The following PIGU variants were observed in gnomAD, a reference collection of about 807,000 sequenced individuals.
PIGU encodes phosphatidylinositol glycan anchor biosynthesis class U.
A neutral mutation model predicts 49.9 loss-of-function variants in PIGU; 24 were observed. The ratio of observed to expected loss-of-function variants is 0.48; its 90% CI spans 0.35 to 0.68. The LOEUF is 0.68. Among genes scored for constraint, PIGU ranks in the 30% least tolerant of loss-of-function variants. PIGU has a pLI of 0.01. For missense variants in PIGU, 490 were observed against 532.6 expected (o/e 0.92, Z 0.79); for synonymous variants, 220 against 205.7 (o/e 1.07, Z -0.59).
chr20:34,614,746 T>G (rs890539280), intron 7 of PIGU, among the ~76,000 whole-genome samples: 4 of 152,052 alleles, frequency 2.6e-5, no homozygotes, highest in Admixed American at 2.6e-4. Context: ...AAGCAAACCA[T>G]GAATCATTGT....
chr20:34,619,364 GGA>G (rs1251328819), intron 6 of PIGU, among the ~76,000 whole-genome samples: 5 of 152,202 alleles, frequency 3.3e-5, no homozygotes, highest in African/African-American at 1.2e-4. Context: ...GTGCTGTTCT[GGA>G]GCCCAACAGC....
intron 7 of PIGU, among the ~76,000 whole-genome samples, chr20:34,604,916 C>T (rs1984558469): frequency 1.3e-5 from 2 of 152,082 alleles, no homozygotes; most frequent in African/African-American, 2.4e-5. Context: ...AAATAAAGGC[C>T]TCAAACCATC....
chr20:34,613,427 A>G (rs1207192237), intron 7 of PIGU, among the ~76,000 whole-genome samples: 1 of 152,214 alleles, frequency 6.6e-6, no homozygotes, highest in Non-Finnish European at 1.5e-5. Flanking sequence ...TGTCAGGAGG[A>G]AATTTCCTTT....
intron 7 of PIGU, among the ~76,000 whole-genome samples, chr20:34,598,927 C>T (rs1022600154): frequency 1.3e-5 from 2 of 152,008 alleles, no homozygotes; most frequent in African/African-American, 4.8e-5. Context: ...ATTATTTGGG[C>T]CCTAACTCCT....
At chr20:34,561,210 C>T (rs1982491378) in intron 11 of PIGU, among the ~76,000 whole-genome samples, 1 of 152,164 alleles carries the variant, frequency 6.6e-6, no homozygotes, top group South Asian at 2.1e-4. Context: ...CCATGGTCTA[C>T]ACCTCCATCC....
At chr20:34,568,528 T>C (rs1249405055) in intron 11 of PIGU, among the ~76,000 whole-genome samples, 2 of 152,036 alleles carry the variant, frequency 1.3e-5, no homozygotes, top group Admixed American at 1.3e-4. Context: ...AAACCTGAAA[T>C]GGGTCTCGAG....
chr20:34,665,344 C>T (rs1386878617), intron 1 of PIGU, among the ~76,000 whole-genome samples: 1 of 150,908 alleles, frequency 6.6e-6, no homozygotes, highest in East Asian at 1.9e-4. Context: ...GCTGGGACTA[C>T]AGGCGCCCGC....
chr20:34,562,938 C>G (rs1440128751), intron 11 of PIGU, among the ~76,000 whole-genome samples: 2 of 152,334 alleles, frequency 1.3e-5, no homozygotes, highest in Non-Finnish European at 2.9e-5. Context: ...GATCCCTGAA[C>G]CAGGTCAGCT....
At chr20:34,662,175 C>T (rs1009578231) in intron 1 of PIGU, among the ~76,000 whole-genome samples, 6 of 152,060 alleles carry the variant, frequency 3.9e-5, no homozygotes, top group Admixed American at 1.3e-4. Context: ...CAGGCTCAAT[C>T]GATCCTCCCA....
intron 11 of PIGU, among the ~76,000 whole-genome samples, chr20:34,564,622 A>C (rs780081901): frequency 6.6e-6 from 1 of 152,256 alleles, no homozygotes; most frequent in Non-Finnish European, 1.5e-5. Context: ...CTGTATAATA[A>C]ATTTTACATA....
chr20:34,652,940 G>C (rs1033172734), intron 2 of PIGU, among the ~76,000 whole-genome samples: 2 of 151,154 alleles, frequency 1.3e-5, no homozygotes, highest in Non-Finnish European at 2.9e-5. Flanking sequence ...TTGTTGGATG[G>C]AGTGTTCTAT....
At chr20:34,596,706 A>G (rs1161830116) in intron 7 of PIGU, among the ~76,000 whole-genome samples, 2 of 152,166 alleles carry the variant, frequency 1.3e-5, no homozygotes, top group Admixed American at 1.3e-4. Context: ...CTTGCCTCTA[A>G]TCTTCATTAA....
intron 4 of PIGU, among the ~76,000 whole-genome samples, chr20:34,642,677 GCA>G (rs1176499206): frequency 9.7e-6 from 1 of 103,348 alleles, no homozygotes; most frequent in South Asian, 3.1e-4. Context: ...ATATATATAT[GCA>G]CACACACATA....
At chr20:34,626,847 T>C (rs1332486895) in intron 6 of PIGU, among the ~76,000 whole-genome samples, 1 of 152,166 alleles carries the variant, frequency 6.6e-6, no homozygotes, top group African/African-American at 2.4e-5. Flanking sequence ...TGATTTATAT[T>C]CCTTTTCTTG....
chr20:34,645,512 G>A (rs1364961614), intron 2 of PIGU, among the ~76,000 whole-genome samples, 178 bp from the exon 3 acceptor site: 3 of 152,124 alleles, frequency 2.0e-5, no homozygotes, highest in Non-Finnish European at 4.4e-5. Context: ...GAATAATTTA[G>A]TACTGCCGGA....
chr20:34,672,730 C>A (rs1262244360), intron 1 of PIGU, among the ~76,000 whole-genome samples: 1 of 151,794 alleles, frequency 6.6e-6, no homozygotes, highest in Non-Finnish European at 1.5e-5. Context: ...TGGGAGCATG[C>A]ACCAATCCCA....
intron 1 of PIGU, among the ~76,000 whole-genome samples, chr20:34,663,452 G>C (rs1306055315): frequency 6.6e-6 from 1 of 151,960 alleles, no homozygotes; most frequent in African/African-American, 2.4e-5. Flanking sequence ...ACTCCAGCCT[G>C]GGTGACAGAG....
intron 8 of PIGU, among the ~76,000 whole-genome samples, chr20:34,586,023 T>C (rs2295443): frequency 0.83 from 126,718 of 152,064 alleles, 53,059 homozygotes; most frequent in Admixed American, 0.91. Flanking sequence ...ACAGCAGGAG[T>C]CAGAAAACCG....
chr20:34,561,095 C>T lies in PIGU; in HGVS notation c.1195-116G>A, dbSNP rs1199949001. ...GGAACGCCCCTGCCTGGCTCTGGAT[C>T]ACAATCACTGGAGAGGCCCTCCTCA... On this transcript the variant is annotated intron_variant, in intron 11 of 11. Coordinates refer to ENST00000217446, the MANE Select transcript of PIGU (RefSeq NM_080476.5). 3 of 704,836 alleles carry T rather than the reference C, an allele frequency of 4.3e-6. No individual in the cohort carries two copies. The Admixed American group carries it at 7.9e-5, about 19-fold the overall frequency. 43.7% of individuals were successfully genotyped at this position (704,836 alleles called of 1,614,324 possible).
Sources: gnomAD v4.1 joint callset for allele counts (sites outside exome capture counted in the v4.1 genomes callset) on GRCh38, gnomAD v4.1.1 for gene constraint, MANE v1.5 for transcripts, NCBI Gene and HGNC (gene_info 2026-07-23, HGNC 2026-07-21) for gene names.